The following STXBP5L variants were observed in gnomAD, a reference collection of about 807,000 sequenced individuals.
The protein encoded by STXBP5L is syntaxin-binding protein 5-like.
Under a neutral mutation model 144.5 loss-of-function variants are expected in STXBP5L, and 65 were observed. That is an observed-to-expected ratio of 0.45 (90% CI 0.37 to 0.55). The LOEUF (loss-of-function observed/expected upper bound fraction) is 0.55. Ranked by LOEUF, STXBP5L falls within the 20% of genes least tolerant of loss-of-function variation. The pLI, the probability that STXBP5L is intolerant of heterozygous loss-of-function variation, is 0.00. For missense variants in STXBP5L, 1,298 were observed against 1,405.5 expected (o/e 0.92, Z 1.22); for synonymous variants, 505 against 469.6 (o/e 1.08, Z -0.97).
At chr3:121,005,388 G>A (rs1944198216) in intron 3 of STXBP5L, among the ~76,000 whole-genome samples, 1 of 152,058 alleles carries the variant, frequency 6.6e-6, no homozygotes, top group Non-Finnish European at 1.5e-5. Flanking sequence ...CTGTGTGAAC[G>A]GTGGTGATAT....
At chr3:120,966,241 G>A (rs1423121310) in intron 3 of STXBP5L, among the ~76,000 whole-genome samples, 1 of 152,100 alleles carries the variant, frequency 6.6e-6, no homozygotes, top group Non-Finnish European at 1.5e-5. Context: ...CTTTAGCTCG[G>A]AGAAGTTTGT....
At position 121,232,509 on chromosome 3, in the gene STXBP5L, C is replaced by T. The variant is rs528346625; in HGVS notation, c.1112-1107C>T. 2.0e-5 allele frequency among the ~76,000 whole-genome samples: 3 copies of T among 152,188 alleles called. No individual in the cohort carries two copies. The East Asian group carries it at 5.8e-4, about 29-fold the overall frequency. ...CAGGGCCATGCTGGGGAGACAGGAA[C>T]CAAGAGTAAATCACTGAGTAAAACA... On this transcript the variant is annotated intron_variant, in intron 11 of 26. Transcript: ENST00000471454.
chr3:121,217,546 G>A lies in STXBP5L; in HGVS notation c.957-5457G>A, dbSNP rs116137918. ...AATCATTCCCAGTTCCATGAGCTGG[G>A]TACCTCCATTGGAAATGCAGAAATC... is the stretch of plus-strand genomic sequence containing the variant. On this transcript the variant is annotated intron_variant, in intron 10 of 26. Transcript: ENST00000471454. Among the ~76,000 whole-genome samples, 1,248 of 152,192 alleles carry A rather than the reference G, an allele frequency of 8.2e-3. 21 individuals are homozygous for A. Among genetic ancestry groups the A allele is most frequent in the African/African-American group, 0.028 (1,167 of 41,506 alleles).
At chr3:121,223,652 T>C (rs1350815378) in intron 11 of STXBP5L, among the ~76,000 whole-genome samples, 2 of 152,202 alleles carry the variant, frequency 1.3e-5, no homozygotes, top group Non-Finnish European at 2.9e-5. Flanking sequence ...TTAATGACTT[T>C]TTAAAATTTT....
At chr3:121,123,042 A>G (rs991372969) in intron 7 of STXBP5L, among the ~76,000 whole-genome samples, 5 of 151,626 alleles carry the variant, frequency 3.3e-5, no homozygotes, top group Admixed American at 3.3e-4. Flanking sequence ...ACCAAAAAAG[A>G]TGATTTTAAG....
chr3:121,174,859 A>G (rs777741786), intron 9 of STXBP5L, among the ~76,000 whole-genome samples: 1 of 152,124 alleles, frequency 6.6e-6, no homozygotes, highest in Admixed American at 6.6e-5. Flanking sequence ...TTTATTGACA[A>G]AAGCCTGTAG....
At chr3:121,090,677 G>A (rs1370109712) in intron 5 of STXBP5L, among the ~76,000 whole-genome samples, 1 of 151,940 alleles carries the variant, frequency 6.6e-6, no homozygotes, top group Non-Finnish European at 1.5e-5. Flanking sequence ...ATCATTTTTG[G>A]TCATTTATTT....
At chr3:121,153,853 A>T (rs1205913809) in intron 8 of STXBP5L, among the ~76,000 whole-genome samples, 1 of 151,956 alleles carries the variant, frequency 6.6e-6, no homozygotes, top group African/African-American at 2.4e-5. Flanking sequence ...ATAAGAAAAG[A>T]AGGTCTTAGG....
At chr3:121,226,727 G>T (rs770834440) in intron 11 of STXBP5L, among the ~76,000 whole-genome samples, 2 of 152,130 alleles carry the variant, frequency 1.3e-5, no homozygotes, top group Non-Finnish European at 2.9e-5. Context: ...TTAGGGCAAT[G>T]CACAATGTTA....
chr3:120,991,369 T>C (rs1404793624), intron 3 of STXBP5L, among the ~76,000 whole-genome samples: 3 of 151,556 alleles, frequency 2.0e-5, no homozygotes, highest in Non-Finnish European at 4.4e-5. Context: ...AGGAACACTT[T>C]TACAGTGGTG....
chr3:121,016,362 A>G (rs547748541), intron 3 of STXBP5L, among the ~76,000 whole-genome samples: 1 of 152,358 alleles, frequency 6.6e-6, no homozygotes, highest in South Asian at 2.1e-4. Flanking sequence ...GACAAAATGT[A>G]TACAGGTAAG....
intron 9 of STXBP5L, among the ~76,000 whole-genome samples, chr3:121,160,099 A>G (rs1283279190): frequency 6.6e-6 from 1 of 152,004 alleles, no homozygotes; most frequent in African/African-American, 2.4e-5. Context: ...TTTTTGTTTT[A>G]TGTATTTTAA....
intron 7 of STXBP5L, among the ~76,000 whole-genome samples, chr3:121,127,978 A>G (rs1372935386): frequency 6.6e-6 from 1 of 152,092 alleles, no homozygotes; most frequent in Non-Finnish European, 1.5e-5. Flanking sequence ...CCAGGCAAAG[A>G]ACCAGAATCA....
intron 5 of STXBP5L, among the ~76,000 whole-genome samples, chr3:121,073,343 C>T (rs572808987): frequency 1.3e-5 from 2 of 152,184 alleles, no homozygotes; most frequent in African/African-American, 2.4e-5. Flanking sequence ...GGTTAGATAG[C>T]CAGTGATGCC....
rs2047286020 is a variant in STXBP5L, at chr3:121,418,347, T to G, written c.3237T>G (p.Ala1079=). ...TFDREELFGE[A]SAGKASRSLA... ...TGCATATATTCTCAGTTGGGGAAGC[T>G]TCGGCAGGAAAAGCATCCCGCAGCC... Residue 1079 remains alanine (A), a synonymous_variant, in exon 26 of 27, where the codon GCT becomes GCG. Coordinates refer to ENST00000471454, the MANE Select transcript of STXBP5L (RefSeq NM_001308330.2). The G allele has an allele frequency of 2.5e-6, 4 of 1,613,112 alleles. No homozygotes were observed. Among genetic ancestry groups the G allele is most frequent in the Non-Finnish European group, 2.5e-6 (3 of 1,179,494 alleles).
intron 9 of STXBP5L, among the ~76,000 whole-genome samples, chr3:121,193,719 A>G (rs2047801368): frequency 6.6e-6 from 1 of 152,176 alleles, no homozygotes; most frequent in African/African-American, 2.4e-5. Flanking sequence ...AAACTATCAC[A>G]AGGACAGAAA....
At chr3:120,919,624 A>G (rs1259762876) in intron 2 of STXBP5L, among the ~76,000 whole-genome samples, 1 of 151,920 alleles carries the variant, frequency 6.6e-6, no homozygotes, top group African/African-American at 2.4e-5. Flanking sequence ...GTAATATTCA[A>G]TATTCTTGTG....
chr3:121,408,002 C>T (rs191131203), intron 23 of STXBP5L, among the ~76,000 whole-genome samples: 3 of 151,938 alleles, frequency 2.0e-5, no homozygotes, highest in Admixed American at 2.0e-4. Flanking sequence ...GATACTTCAC[C>T]CAAGAAATTT....
intron 9 of STXBP5L, among the ~76,000 whole-genome samples, chr3:121,204,435 G>A (rs892497792): frequency 1.3e-5 from 2 of 152,142 alleles, no homozygotes; most frequent in African/African-American, 4.8e-5. Context: ...ATAAAGAAAA[G>A]GCAATTTCAG....
Sources: gnomAD v4.1 joint callset for allele counts (sites outside exome capture counted in the v4.1 genomes callset) on GRCh38, gnomAD v4.1.1 for gene constraint, MANE v1.5 for transcripts, NCBI Gene and HGNC (gene_info 2026-07-23, HGNC 2026-07-21) for gene names.